Variants in ZNF589 observed in about 807,000 individuals in gnomAD.
The protein encoded by ZNF589 is zinc finger protein 589, also known as KRAB-zinc finger protein SZF1-1.
In ZNF589, 17 loss-of-function variants were observed where a neutral mutation model predicts 13.6. The ratio of observed to expected loss-of-function variants is 1.25; its 90% CI spans 0.86 to 1.88. ZNF589 has a LOEUF of 1.88. Ranked by LOEUF, ZNF589 falls within the 40% of genes most tolerant of loss-of-function variation. ZNF589 has a pLI of 0.00. For synonymous variants in ZNF589, 148 were observed against 161.6 expected (o/e 0.92, Z 0.64); for missense variants, 407 against 434.0 (o/e 0.94, Z 0.55).
intron 2 of ZNF589, among the ~76,000 whole-genome samples, chr3:48,259,918 C>CAAAA (rs538817691): frequency 1.0e-5 from 1 of 98,162 alleles, no homozygotes; most frequent in Non-Finnish European, 2.1e-5. Context: ...GACTCCGTAT[C>CAAAA]AAAAAAAAAA....
intron 3 of ZNF589, among the ~76,000 whole-genome samples, chr3:48,263,936 A>G (rs2106846985): frequency 6.6e-6 from 1 of 152,338 alleles, no homozygotes; most frequent in East Asian, 1.9e-4. Flanking sequence ...CTTGGCTCCT[A>G]TCACTCATTT....
At chr3:48,249,132 C>T (rs1319226746) in intron 2 of ZNF589, among the ~76,000 whole-genome samples, 6 of 146,694 alleles carry the variant, frequency 4.1e-5, no homozygotes, top group Admixed American at 2.1e-4. Flanking sequence ...GACAGAGTTT[C>T]GCTCTTGTCG....
intron 3 of ZNF589, among the ~76,000 whole-genome samples, chr3:48,263,344 A>G (rs148970843): frequency 0.014 from 2,076 of 152,314 alleles, 22 homozygotes; most frequent in Non-Finnish European, 0.023. Flanking sequence ...TACTGACCTC[A>G]GATGATCCGC....
In ZNF589 at chr3:48,269,171, C is replaced by A; in HGVS notation, c.*385C>A. ...CGCTCTTAGTGTACATCAGAGGATA[C>A]ACTCTGGGGAGAAGCCTTATGCATG... On this transcript the variant is annotated 3_prime_UTR_variant, in exon 4 of 4. Transcript: ENST00000354698. The A allele has an allele frequency of 2.0e-6, 2 of 996,848 alleles. No individual in the cohort carries two copies. The highest frequency in any genetic ancestry group is 5.4e-5 in the East Asian group (2 of 36,988). 61.8% of individuals were successfully genotyped at this position (996,848 alleles called of 1,614,324 possible). A position where few individuals can be genotyped will look rare whatever the true frequency, so the allele number is the denominator to read the frequency against.
At position 48,269,659 on chromosome 3, in the gene ZNF589, CATACACCAG is replaced by C; in HGVS notation, c.*875_*883del. The C allele has an allele frequency of 2.9e-6, 1 of 340,842 alleles. No individual in the cohort carries two copies. The highest frequency in any genetic ancestry group is 2.5e-5 in the South Asian group (1 of 40,526). The allele number at this position is 340,842 out of a possible 1,614,324, so 21.1% of individuals were successfully genotyped here. ...GCTTTAGGAGAAAGTCACAGCTCAT[CATACACCAG>C]AAGATACACTCGGGGAAAAGCTTTA... On this transcript the variant is annotated 3_prime_UTR_variant, in exon 4 of 4. Transcript: ENST00000354698.
intron 3 of ZNF589, among the ~76,000 whole-genome samples, chr3:48,267,693 C>T (rs181079781): frequency 1.3e-5 from 2 of 152,324 alleles, no homozygotes; most frequent in East Asian, 3.9e-4. Flanking sequence ...CTGTGCCCAG[C>T]CCTTTGTATT....
chr3:48,268,733 A>T lies in ZNF589; in HGVS notation c.1042A>T (p.Ile348Phe), dbSNP rs769276701. 5 of 1,613,138 alleles carry T rather than the reference A, an allele frequency of 3.1e-6. No individual in the cohort carries two copies. In the Admixed American group the frequency reaches 5.0e-5, roughly 16 times the overall value. Residue 348 changes from isoleucine to phenylalanine, a missense_variant, in exon 4 of 4, where the codon ATT becomes TTT. Coordinates refer to ENST00000354698, the MANE Select transcript of ZNF589 (RefSeq NM_016089.3). ...GRGFREKSEL[I>F]KHQRIHTGDK... ...AGGCTTTCGTGAAAAGTCAGAGCTC[A>T]TTAAGCACCAGAGAATTCACACGGG...
intron 1 of ZNF589, among the ~76,000 whole-genome samples, chr3:48,241,463 C>T (rs538502052): frequency 6.6e-6 from 1 of 152,346 alleles, no homozygotes; most frequent in East Asian, 1.9e-4. Context: ...CAGTCATTGG[C>T]CATAAATGGC....
At chr3:48,246,703 C>T (rs540122913) in intron 1 of ZNF589, among the ~76,000 whole-genome samples, 5 of 152,142 alleles carry the variant, frequency 3.3e-5, no homozygotes, top group Non-Finnish European at 7.3e-5. Flanking sequence ...GAGTCTCGCT[C>T]TGTCGCCCAG....
At chr3:48,250,571 A>C (rs2106835103) in intron 2 of ZNF589, among the ~76,000 whole-genome samples, 1 of 150,496 alleles carries the variant, frequency 6.6e-6, no homozygotes, top group African/African-American at 2.4e-5. Flanking sequence ...TCCTGGGTTC[A>C]AGTGATTCTC....
At chr3:48,265,984 C>T (rs1203778546) in intron 3 of ZNF589, among the ~76,000 whole-genome samples, 1 of 152,036 alleles carries the variant, frequency 6.6e-6, no homozygotes, top group South Asian at 2.1e-4. Context: ...TTTCATAGAT[C>T]GGGAAATTGA....
chr3:48,262,705 CT>C (rs373573993), intron 3 of ZNF589, among the ~76,000 whole-genome samples: 13 of 152,056 alleles, frequency 8.5e-5, no homozygotes, highest in African/African-American at 2.7e-4. Context: ...CTCTCTCCTT[CT>C]TTTTTTCTTC....
chr3:48,256,686 C>T, intron 2 of ZNF589: 5 of 1,437,622 alleles, frequency 3.5e-6, no homozygotes, highest in Non-Finnish European at 3.9e-6. Context: ...AGCAAAACAT[C>T]ATCATAGTTT....
Position 48,269,649 on chromosome 3 carries a change from C to A in ZNF589, c.*863C>A. On this transcript the variant is annotated 3_prime_UTR_variant, in exon 4 of 4. Transcript: ENST00000354698. ...TGTGGGCAAAGCTTTAGGAGAAAGT[C>A]ACAGCTCATCATACACCAGAAGATA... The A allele has an allele frequency of 3.0e-6, 1 of 336,812 alleles. No homozygotes were observed. The highest frequency in any genetic ancestry group is 5.8e-6 in the Non-Finnish European group (1 of 171,382). 20.9% of individuals were successfully genotyped at this position (336,812 alleles called of 1,614,324 possible).
Position 48,241,128 on chromosome 3 carries a change from C to T in ZNF589, c.-44C>T, listed in dbSNP as rs538167787. The T allele has an allele frequency of 3.4e-5, 54 of 1,611,818 alleles. No individual in the cohort carries two copies. The East Asian group carries it at 1.2e-3, about 36-fold the overall frequency. ...TGCGCATTCTAATCCGTTTCACACA[C>T]GGTGCTGCTACCTCGTTTGCTTCGT... On this transcript the variant is annotated 5_prime_UTR_variant, in exon 1 of 4. In the 5' UTR this introduces an upstream ATG that the reference lacks. Coordinates refer to ENST00000354698, the MANE Select transcript of ZNF589 (RefSeq NM_016089.3).
chr3:48,256,879 T>G (rs752963782), intron 2 of ZNF589: 34 of 988,636 alleles, frequency 3.4e-5, no homozygotes, highest in Non-Finnish European at 4.9e-5. Flanking sequence ...CTGCTGGGCC[T>G]GCTAGGAGCC....
At chr3:48,263,149 G>T (rs978099392) in intron 3 of ZNF589, among the ~76,000 whole-genome samples, 1 of 147,582 alleles carries the variant, frequency 6.8e-6, no homozygotes, top group African/African-American at 2.5e-5. Flanking sequence ...TGCTCTTGTT[G>T]CCCAGGCTGG....
At chr3:48,241,380 A>G (rs181181605) in intron 1 of ZNF589, among the ~76,000 whole-genome samples, 166 bp downstream of exon 1, 166 of 151,444 alleles carry the variant, frequency 1.1e-3, no homozygotes, top group African/African-American at 3.9e-3. Context: ...GTTCCTCCCT[A>G]GGTGTCCCGT....
At chr3:48,251,864 G>A (rs2033842271) in intron 2 of ZNF589, among the ~76,000 whole-genome samples, 1 of 151,872 alleles carries the variant, frequency 6.6e-6, no homozygotes, top group African/African-American at 2.4e-5. Context: ...GCAACGTGGC[G>A]AAACCTCATC....
Sources: allele counts gnomAD v4.1 joint callset (sites outside exome capture counted in the v4.1 genomes callset), GRCh38; gene constraint gnomAD v4.1.1; transcripts MANE v1.5; gene names NCBI Gene and HGNC (gene_info 2026-07-23, HGNC 2026-07-21).